TCF4: variants seen among roughly 807,000 people sequenced by gnomAD.
TCF4 encodes transcription factor 4.
Under a neutral mutation model 82.1 loss-of-function variants are expected in TCF4, and 3 were observed. The ratio of observed to expected loss-of-function variants is 0.04; its 90% confidence interval spans 0.02 to 0.09. The LOEUF is 0.09. Ranked by LOEUF, TCF4 falls within the 10% of genes least tolerant of loss-of-function variation. TCF4 has a pLI of 1.00. For missense variants in TCF4, 518 were observed against 852.7 expected, an observed-to-expected ratio of 0.61 and a Z score of 4.89; for synonymous variants, 276 against 309.6, an observed-to-expected ratio of 0.89 and a Z score of 1.14.
chr18:55,566,852 T>C (rs2097412965), intron 3 of TCF4, among the ~76,000 whole-genome samples: 1 of 152,220 alleles, frequency 6.6e-6, no homozygotes, highest in Non-Finnish European at 1.5e-5. Flanking sequence ...TTTTCTGAAT[T>C]GGAGGGAGAC....
chr18:55,621,624 A>C (rs2097719507), intron 2 of TCF4, among the ~76,000 whole-genome samples: 1 of 88,094 alleles, frequency 1.1e-5, no homozygotes, highest in Non-Finnish European at 2.0e-5. Context: ...AATATTATAT[A>C]TAATATATAT....
intron 8 of TCF4, among the ~76,000 whole-genome samples, chr18:55,328,390 A>T (rs1164974095): frequency 6.6e-6 from 1 of 152,118 alleles, no homozygotes; most frequent in Non-Finnish European, 1.5e-5. Flanking sequence ...TTAAAAAAAA[A>T]AAAATAACAA....
intron 3 of TCF4, among the ~76,000 whole-genome samples, chr18:55,529,469 G>A (rs943981540): frequency 4.6e-5 from 7 of 152,150 alleles, no homozygotes; most frequent in African/African-American, 1.4e-4. Flanking sequence ...GAGAACGAGA[G>A]AATGTATGAA....
chr18:55,486,370 T>C (rs1393485209), intron 3 of TCF4, among the ~76,000 whole-genome samples: 2 of 152,136 alleles, frequency 1.3e-5, no homozygotes, highest in African/African-American at 4.8e-5. Flanking sequence ...GGTGGGCAGA[T>C]GGCTTGGGGC....
intron 15 of TCF4, among the ~76,000 whole-genome samples, chr18:55,250,931 G>A (rs982494840): frequency 3.3e-5 from 5 of 152,108 alleles, no homozygotes; most frequent in African/African-American, 1.2e-4. Flanking sequence ...GCATGAGTGG[G>A]GTAGCAAGGG....
intron 3 of TCF4, among the ~76,000 whole-genome samples, chr18:55,502,096 C>T (rs544094447): frequency 6.6e-6 from 1 of 152,312 alleles, no homozygotes; most frequent in East Asian, 1.9e-4. Flanking sequence ...GGTAGATATA[C>T]TAACTATGAC....
At chr18:55,576,494 T>G (rs770809795) in intron 3 of TCF4, among the ~76,000 whole-genome samples, 26 of 151,938 alleles carry the variant, frequency 1.7e-4, no homozygotes, top group Non-Finnish European at 3.4e-4. Flanking sequence ...TAGACCAGAG[T>G]TGACTCCACT....
chr18:55,264,957 C>G (rs1012617521), intron 11 of TCF4: 3 of 152,130 alleles, frequency 2.0e-5, no homozygotes, highest in Non-Finnish European at 4.4e-5. Context: ...GTTCAGATGG[C>G]TTGAACACAG....
At chr18:55,426,596 C>T (rs1366410657) in intron 5 of TCF4, among the ~76,000 whole-genome samples, 1 of 152,150 alleles carries the variant, frequency 6.6e-6, no homozygotes, top group Non-Finnish European at 1.5e-5. Context: ...AAAAACTCTG[C>T]TTAAATTCCT....
rs531405816 is a variant in TCF4, at chr18:55,408,905, TATGAAATTA to T, written c.305-5396_305-5388del. Among the ~76,000 whole-genome samples the T allele has an allele frequency of 1.1e-3, 161 of 152,270 alleles. 1 individual carries two copies. In the Middle Eastern group the frequency reaches 0.031, roughly 29 times the overall value. ...GAGCTCAAAACACTCATGAATTTGATATGAAATTAATGAAAGTGTCTTATAGGCAATGAT... is the reference window on the plus strand; with the variant it reads ...GAGCTCAAAACACTCATGAATTTGATATGAAAGTGTCTTATAGGCAATGAT... On this transcript the variant is annotated intron_variant, in intron 5 of 19. Transcript: ENST00000354452.
At chr18:55,279,736 G>T in intron 8 of TCF4, 80 bp from the exon 9 acceptor site, 13 of 1,595,998 alleles carry the variant, frequency 8.1e-6, no homozygotes, top group African/African-American at 1.3e-5. Context: ...TAAGAAGTAG[G>T]CAGAAAGTGC....
In TCF4 at chr18:55,507,932, C is replaced by T. The variant is rs1246948355; in HGVS notation, c.146-43795G>A. On this transcript the variant is annotated intron_variant, in intron 3 of 19. Transcript: ENST00000354452. ...ACTCAAGTAAGGTGGAGAAACTGAC[C>T]CATGTAACCGGGAAATGACTACAAC... 4.6e-5 allele frequency among the ~76,000 whole-genome samples: 7 copies of T among 152,168 alleles called. No homozygotes were observed. The East Asian group carries it at 1.4e-3, about 29-fold the overall frequency.
At chr18:55,478,722 C>T (rs1473757784) in intron 3 of TCF4, among the ~76,000 whole-genome samples, 1 of 151,700 alleles carries the variant, frequency 6.6e-6, no homozygotes, top group African/African-American at 2.4e-5. Context: ...TAAAAGGCCC[C>T]CACTTCCCCC....
intron 3 of TCF4, among the ~76,000 whole-genome samples, chr18:55,499,060 G>C (rs532737133): frequency 9.2e-5 from 14 of 152,126 alleles, no homozygotes; most frequent in Non-Finnish European, 1.5e-4. Flanking sequence ...CCCTTTTCCA[G>C]AACAGGTCCA....
intron 8 of TCF4, 51 bp from the exon 9 acceptor site, chr18:55,279,707 C>T: frequency 6.2e-7 from 1 of 1,611,390 alleles, no homozygotes; most frequent in Non-Finnish European, 8.5e-7. Flanking sequence ...ACCACAGCAG[C>T]CCAAGCTCCA....
chr18:55,443,940 TATA>T (rs1460852405), intron 5 of TCF4, among the ~76,000 whole-genome samples: 1 of 152,224 alleles, frequency 6.6e-6, no homozygotes, highest in African/African-American at 2.4e-5. Context: ...AGATGGATTT[TATA>T]ATATCTTCAA....
intron 3 of TCF4, among the ~76,000 whole-genome samples, chr18:55,490,882 A>T (rs907905066): frequency 1.3e-5 from 2 of 152,224 alleles, no homozygotes; most frequent in African/African-American, 4.8e-5. Context: ...ATAGAAAAGG[A>T]ATGACTGAGA....
chr18:55,511,473 C>A (rs972304678), intron 3 of TCF4, among the ~76,000 whole-genome samples: 10 of 151,874 alleles, frequency 6.6e-5, no homozygotes, highest in African/African-American at 1.2e-4. Flanking sequence ...ACCAAATCAG[C>A]ATTAAAACAC....
intron 11 of TCF4, among the ~76,000 whole-genome samples, chr18:55,263,340 G>A (rs1226747448): frequency 2.0e-5 from 3 of 151,940 alleles, no homozygotes; most frequent in African/African-American, 7.3e-5. Context: ...CATACAATTG[G>A]ACCACTGGGA....
Sources: gnomAD v4.1 joint callset for allele counts (sites outside exome capture counted in the v4.1 genomes callset) on GRCh38, gnomAD v4.1.1 for gene constraint, MANE v1.5 for transcripts, NCBI Gene and HGNC (gene_info 2026-07-23, HGNC 2026-07-21) for gene names.